LRIF1: variants seen among roughly 807,000 people sequenced by gnomAD.
LRIF1 encodes ligand dependent nuclear receptor interacting factor 1, also known as ligand-dependent nuclear receptor-interacting factor 1.
Under a neutral mutation model 52.7 loss-of-function variants are expected in LRIF1, and 32 were observed. The ratio of observed to expected loss-of-function variants is 0.61; its 90% CI spans 0.46 to 0.82. The LOEUF (loss-of-function observed/expected upper bound fraction) is 0.82. Ranked by LOEUF, LRIF1 falls within the 40% of genes least tolerant of loss-of-function variation. The probability of loss-of-function intolerance (pLI) is 0.00; values close to 1 mark genes in which losing one functional copy is unlikely to be tolerated. For synonymous variants in LRIF1, 323 were observed against 317.4 expected (o/e 1.02, Z -0.19); for missense variants, 887 against 892.0 (o/e 0.99, Z 0.07).
At chr1:110,875,686 G>A in the LRIF1 span, among the ~76,000 whole-genome samples, 5 of 152,134 alleles carry the variant, frequency 3.3e-5, no homozygotes, top group Non-Finnish European at 5.9e-5. Context: ...GCCACTGCAG[G>A]TGCAGGGCAC....
At chr1:110,907,530 A>C in the LRIF1 span, among the ~76,000 whole-genome samples, 1 of 152,092 alleles carries the variant, frequency 6.6e-6, no homozygotes, top group Non-Finnish European at 1.5e-5. Context: ...TCAGGAGTTC[A>C]AGACCAGCCT....
At chr1:110,963,543 C>CCGGAAACGA in intron 1 of LRIF1, 78 bp downstream of exon 1, 1 of 1,270,404 alleles carries the variant, frequency 7.9e-7, no homozygotes, top group South Asian at 1.3e-5. Context: ...TACACAGCGT[C>CCGGAAACGA]CGGAAACGAC....
In LRIF1 at chr1:110,947,796, A is replaced by G; in HGVS notation, c.*163T>C. 1.1e-6 allele frequency: 1 copy of G among 903,736 alleles called. No individual in the cohort carries two copies. The highest frequency in any genetic ancestry group is 1.6e-6 in the Non-Finnish European group (1 of 639,444). 56.0% of individuals were successfully genotyped at this position (903,736 alleles called of 1,614,324 possible). ...CCCATGTAAATTATTCACAAGTCAT[A>G]TGTGAATCAACCTTTTCTGTATTCC... On this transcript the variant is annotated 3_prime_UTR_variant, in exon 4 of 4. Coordinates refer to ENST00000369763, the MANE Select transcript of LRIF1 (RefSeq NM_018372.4).
In LRIF1 at chr1:110,952,538, C is replaced by G. The variant is rs754666576; in HGVS notation, c.346G>C (p.Glu116Gln). The G allele has an allele frequency of 6.2e-7, 1 of 1,613,890 alleles. No individual in the cohort carries two copies. Among genetic ancestry groups the G allele is most frequent in the Non-Finnish European group, 8.5e-7 (1 of 1,179,828 alleles). The change falls in exon 2 of 4, where the codon GAA (glutamate) becomes CAA (glutamine). Residue 116 changes from glutamate (E) to glutamine (Q), a missense_variant. Coordinates refer to ENST00000369763, the MANE Select transcript of LRIF1 (RefSeq NM_018372.4). ...CCCACAGAAGTAACTCTACCTTTTT[C>G]TGATGTATCTACTGTTCTTGTAAGA... ...YFLTRTVDTS[E>Q]KGRVTSVGTG...
Position 110,951,192 on chromosome 1 carries a change from T to C in LRIF1, c.1596+96A>G, listed in dbSNP as rs183315909. The C allele has an allele frequency of 3.4e-4, 342 of 1,004,492 alleles. 2 individuals are homozygous for C. The Admixed American group carries it at 4.5e-3, about 13-fold the overall frequency. The allele number at this position is 1,004,492 out of a possible 1,614,324, so 62.2% of individuals were successfully genotyped here. A position where few individuals can be genotyped will look rare whatever the true frequency, so the allele number is the denominator to read the frequency against. On this transcript the variant is annotated intron_variant, in intron 2 of 3. Coordinates refer to ENST00000369763, the MANE Select transcript of LRIF1 (RefSeq NM_018372.4). ...AGTCTGTGTGTGATGGGGTTGGCAG[T>C]GGGGGAAAGAGGTATCATAGATAAC...
Position 110,963,790 on chromosome 1 carries a change from G to A in LRIF1, c.-102C>T. 1 of 922,990 alleles carries A rather than the reference G, an allele frequency of 1.1e-6. No homozygotes were observed. Among genetic ancestry groups the A allele is most frequent in the Non-Finnish European group, 1.7e-6 (1 of 592,162 alleles). 57.2% of individuals were successfully genotyped at this position (922,990 alleles called of 1,614,324 possible). A position where few individuals can be genotyped will look rare whatever the true frequency, so the allele number is the denominator to read the frequency against. On this transcript the variant is annotated 5_prime_UTR_variant, in exon 1 of 4. Transcript: ENST00000369763. ...CAGAGCGAGGGAATGTTGGGCTGGA[G>A]TTGCCCACAGCAACTGTGAGGGGTT...
intron 1 of LRIF1, among the ~76,000 whole-genome samples, chr1:110,960,056 G>A (rs189540885): frequency 4.3e-4 from 65 of 152,124 alleles, no homozygotes; most frequent in Admixed American, 1.7e-3. Flanking sequence ...TTGCGTACAT[G>A]ATAGATATAC....
chr1:110,910,003 C>A, the LRIF1 span, among the ~76,000 whole-genome samples: 1 of 152,082 alleles, frequency 6.6e-6, no homozygotes, highest in African/African-American at 2.4e-5. Flanking sequence ...TATACATGCA[C>A]CCAATATTGG....
Position 110,952,758 on chromosome 1 carries a change from A to G in LRIF1, c.126T>C (p.Leu42=). The G allele has an allele frequency of 6.2e-7, 1 of 1,613,408 alleles. No individual in the cohort carries two copies. Among genetic ancestry groups the G allele is most frequent in the South Asian group, 1.1e-5 (1 of 90,970 alleles). ...ACTTAGGAATTGGAAGTAATTGCAGAAGATTTTTTCCATCCGAGCCAATCG... is the reference window on the plus strand; with the variant it reads ...ACTTAGGAATTGGAAGTAATTGCAGGAGATTTTTTCCATCCGAGCCAATCG... The part of the protein sequence containing the change: ...VQTIGSDGKN[L]LQLLPIPKSS... Residue 42 remains leucine (L), a synonymous_variant, in exon 2 of 4, where the codon CTT becomes CTC. Transcript: ENST00000369763.
chr1:110,890,581 GAGAGAA>G, the LRIF1 span, among the ~76,000 whole-genome samples: 12 of 149,812 alleles, frequency 8.0e-5, no homozygotes, highest in South Asian at 4.2e-4. Flanking sequence ...AAGAAAGAAA[GAGAGAA>G]AGAGAAAGAG....
At chr1:110,875,463 G>A in the LRIF1 span, among the ~76,000 whole-genome samples, 7 of 152,192 alleles carry the variant, frequency 4.6e-5, no homozygotes, top group African/African-American at 1.7e-4. Context: ...GCAGAAGGAA[G>A]GGTGGAGCTT....
chr1:110,899,624 C>T, the LRIF1 span: 1 of 170,462 alleles, frequency 5.9e-6, no homozygotes, highest in African/African-American at 2.4e-5. Flanking sequence ...TGGGGCCAGG[C>T]TCACTGGACC....
the LRIF1 span, among the ~76,000 whole-genome samples, chr1:110,890,051 T>TATC: frequency 6.6e-6 from 1 of 152,304 alleles, no homozygotes; most frequent in Non-Finnish European, 1.5e-5. Flanking sequence ...TCATCAGGCT[T>TATC]ATCTACAGCC....
the LRIF1 span, chr1:110,894,875 A>G: frequency 2.0e-6 from 2 of 1,016,770 alleles, no homozygotes; most frequent in Admixed American, 1.7e-5. Context: ...CGCAAGTGGA[A>G]CCACTAACCT....
At chr1:110,935,693 A>G in the LRIF1 span, among the ~76,000 whole-genome samples, 1 of 152,208 alleles carries the variant, frequency 6.6e-6, no homozygotes, top group Non-Finnish European at 1.5e-5. Context: ...GCATACCTAC[A>G]GGATCTAGAA....
At chr1:110,908,729 G>T in the LRIF1 span, among the ~76,000 whole-genome samples, 1 of 152,054 alleles carries the variant, frequency 6.6e-6, no homozygotes, top group Non-Finnish European at 1.5e-5. Context: ...AAACCTCTAA[G>T]AAATATGGAA....
the LRIF1 span, among the ~76,000 whole-genome samples, chr1:110,913,687 CT>C: frequency 1.2e-4 from 19 of 152,306 alleles, no homozygotes; most frequent in African/African-American, 4.6e-4. Context: ...TTAGACACTG[CT>C]GGTGAGAATG....
rs368864945 is a variant in LRIF1, at chr1:110,952,422, G to A, written c.462C>T (p.Pro154=). The A allele has an allele frequency of 8.0e-5, 129 of 1,612,232 alleles. 1 individual carries two copies. In the Admixed American group the frequency reaches 2.1e-3, roughly 26 times the overall value. ...TAAAAGATGAGTCTTTTTGTGTTGA[G>A]GGAGGAACAGCAAATGTTTGCATGG... ...GLTMQTFAVP[P]STQKDSSFIV... is the part of the protein sequence containing the mutation. The change falls in exon 2 of 4, where the codon CCC becomes CCT. Residue 154 remains proline, a synonymous_variant. Transcript: ENST00000369763.
chr1:110,946,814 G>A (rs1454826938), downstream of LRIF1, among the ~76,000 whole-genome samples: 1 of 151,826 alleles, frequency 6.6e-6, no homozygotes, highest in Non-Finnish European at 1.5e-5. Context: ...CCGCCACTGT[G>A]CCCGACTAAT....
Sources: gnomAD v4.1 joint callset for allele counts (sites outside exome capture counted in the v4.1 genomes callset) on GRCh38, gnomAD v4.1.1 for gene constraint, MANE v1.5 for transcripts, NCBI Gene and HGNC (gene_info 2026-07-23, HGNC 2026-07-21) for gene names.